KCNH1: variants seen among roughly 807,000 people sequenced by gnomAD.
The protein encoded by KCNH1 is voltage-gated delayed rectifier potassium channel KCNH1.
Under a neutral mutation model 69.2 loss-of-function variants are expected in KCNH1, and 27 were observed. That is an observed-to-expected ratio of 0.39 (90% CI 0.29 to 0.54). The LOEUF is 0.54. Among genes scored for constraint, KCNH1 ranks in the 20% least tolerant of loss-of-function variants. KCNH1 has a pLI of 0.68. For synonymous variants in KCNH1, 456 were observed against 487.7 expected (o/e 0.93, Z 0.86); for missense variants, 798 against 1,261.6 (o/e 0.63, Z 5.57).
At position 210,679,906 on chromosome 1, in the gene KCNH1, T is replaced by C. The variant is rs1161155130; in HGVS notation, c.*3375A>G. 1.3e-5 allele frequency: 2 copies of C among 152,222 alleles called. No individual in the cohort carries two copies. The highest frequency in any genetic ancestry group is 4.8e-5 in the African/African-American group (2 of 41,460). 9.4% of individuals were successfully genotyped at this position (152,222 alleles called of 1,614,324 possible). A position where few individuals can be genotyped will look rare whatever the true frequency, so the allele number is the denominator to read the frequency against. On this transcript the variant is annotated 3_prime_UTR_variant, in exon 11 of 11. Coordinates refer to ENST00000271751, the MANE Select transcript of KCNH1 (RefSeq NM_172362.3). The stretch of plus-strand genomic sequence containing the variant: ...CTTGGGCTATCCTGTAGCATTAATG[T>C]TGTAACCTTATTAGCATAATGTAGC...
chr1:211,015,409 T>C (rs896306578), intron 6 of KCNH1, among the ~76,000 whole-genome samples: 1 of 152,184 alleles, frequency 6.6e-6, no homozygotes, highest in Non-Finnish European at 1.5e-5. Flanking sequence ...CCCCTGTCTT[T>C]TTTCTTACTT....
intron 7 of KCNH1, among the ~76,000 whole-genome samples, chr1:210,863,232 C>A (rs1451186397): frequency 6.6e-6 from 1 of 152,138 alleles, no homozygotes; most frequent in Non-Finnish European, 1.5e-5. Context: ...ATGCTTGTTA[C>A]CCAGCAGAGT....
intron 10 of KCNH1, among the ~76,000 whole-genome samples, chr1:210,751,356 C>T (rs115681985): frequency 1.1e-4 from 17 of 152,182 alleles, no homozygotes; most frequent in South Asian, 2.1e-4. Flanking sequence ...CATCCTCACA[C>T]GAAGAAAGCA....
At chr1:210,883,369 C>A (rs1324358574) in intron 7 of KCNH1, among the ~76,000 whole-genome samples, 1 of 152,106 alleles carries the variant, frequency 6.6e-6, no homozygotes, top group East Asian at 1.9e-4. Context: ...ACCAGAGGGA[C>A]CAGAATGGAT....
intron 6 of KCNH1, among the ~76,000 whole-genome samples, chr1:211,014,981 G>C (rs181426561): frequency 6.6e-6 from 1 of 152,262 alleles, no homozygotes; most frequent in East Asian, 1.9e-4. Flanking sequence ...AAGATGGGGT[G>C]CCCTTCATGG....
At chr1:210,714,499 GTTGT>G (rs1682171778) in intron 10 of KCNH1, among the ~76,000 whole-genome samples, 2 of 152,152 alleles carry the variant, frequency 1.3e-5, no homozygotes, top group African/African-American at 4.8e-5. Context: ...CAATGGATGG[GTTGT>G]GGAGGACTGA....
At chr1:211,022,466 A>G (rs1481004015) in intron 5 of KCNH1, among the ~76,000 whole-genome samples, 1 of 152,206 alleles carries the variant, frequency 6.6e-6, no homozygotes, top group Non-Finnish European at 1.5e-5. Flanking sequence ...AGGCAAAAAT[A>G]GCCAAATAGG....
At chr1:211,091,005 T>C (rs945618339) in intron 3 of KCNH1, among the ~76,000 whole-genome samples, 4 of 152,144 alleles carry the variant, frequency 2.6e-5, no homozygotes, top group Admixed American at 6.5e-5. Flanking sequence ...TACAAAGACC[T>C]AAAGACTTAC....
Position 210,888,563 on chromosome 1 carries a change from C to T in KCNH1, c.1462+31077G>A, listed in dbSNP as rs181830292. 3.9e-5 allele frequency among the ~76,000 whole-genome samples: 6 copies of T among 152,142 alleles called. No individual in the cohort carries two copies. In the East Asian group the frequency reaches 1.2e-3, roughly 29 times the overall value. On this transcript the variant is annotated intron_variant, in intron 7 of 10. Coordinates refer to ENST00000271751, the MANE Select transcript of KCNH1 (RefSeq NM_172362.3). The stretch of plus-strand genomic sequence containing the variant: ...AGACAAGAAATAACTAAGATGCGAG[C>T]AGAACTGAAGGAGACGGAGACATAA...
Position 210,815,005 on chromosome 1 carries a change from G to T in KCNH1, c.1463-10839C>A, listed in dbSNP as rs1436462426. ...AAGCTACTGAAGAGACTGTCTCAAA[G>T]AGGTGAGTTTGCTCTGGTTCAATGA... On this transcript the variant is annotated intron_variant, in intron 7 of 10. Coordinates refer to ENST00000271751, the MANE Select transcript of KCNH1 (RefSeq NM_172362.3). Among the ~76,000 whole-genome samples the T allele has an allele frequency of 2.0e-5, 3 of 152,152 alleles. No homozygotes were observed. In the East Asian group the frequency reaches 5.8e-4, roughly 29 times the overall value.
At chr1:210,788,430 A>G (rs1416768745) in intron 9 of KCNH1, among the ~76,000 whole-genome samples, 1 of 152,238 alleles carries the variant, frequency 6.6e-6, no homozygotes, top group African/African-American at 2.4e-5. Context: ...ACCACAATTT[A>G]TGATTCAACC....
intron 10 of KCNH1, among the ~76,000 whole-genome samples, chr1:210,742,197 G>A (rs929167654): frequency 6.6e-6 from 1 of 152,180 alleles, no homozygotes. Context: ...CATGAATTCT[G>A]AAGGAATTAT....
chr1:211,020,537 T>C (rs1321139030), intron 5 of KCNH1, among the ~76,000 whole-genome samples: 1 of 151,960 alleles, frequency 6.6e-6, no homozygotes, highest in Non-Finnish European at 1.5e-5. Context: ...ACCAGATGGC[T>C]TCAAAGCTGA....
chr1:210,856,290 C>T (rs1239363242), intron 7 of KCNH1, among the ~76,000 whole-genome samples: 1 of 152,202 alleles, frequency 6.6e-6, no homozygotes, highest in Non-Finnish European at 1.5e-5. Context: ...AATAATCCCA[C>T]TCACATAATG....
intron 8 of KCNH1, among the ~76,000 whole-genome samples, chr1:210,803,348 C>T (rs571420441): frequency 7.2e-5 from 11 of 152,242 alleles, no homozygotes; most frequent in African/African-American, 2.2e-4. Context: ...GTGATCCACC[C>T]GCCTCGGCCT....
chr1:211,006,757 A>C (rs1456407196), intron 6 of KCNH1, among the ~76,000 whole-genome samples: 3 of 152,200 alleles, frequency 2.0e-5, no homozygotes, highest in Non-Finnish European at 4.4e-5. Flanking sequence ...AAAGTTAAAA[A>C]AAGGAAAAAC....
intron 7 of KCNH1, among the ~76,000 whole-genome samples, chr1:210,893,843 T>A (rs113150042): frequency 3.9e-5 from 6 of 152,274 alleles, no homozygotes; most frequent in African/African-American, 1.4e-4. Context: ...TCTTCAAGTG[T>A]ATTAATCTTC....
intron 3 of KCNH1, among the ~76,000 whole-genome samples, chr1:211,098,103 A>G (rs1370771090): frequency 6.6e-6 from 1 of 152,042 alleles, no homozygotes; most frequent in African/African-American, 2.4e-5. Context: ...GGATGGCTTG[A>G]GCTAAGGAGG....
chr1:210,933,346 A>G (rs551156927), intron 6 of KCNH1, among the ~76,000 whole-genome samples: 1 of 151,956 alleles, frequency 6.6e-6, no homozygotes, highest in African/African-American at 2.4e-5. Context: ...GGGAACATCA[A>G]ACTCTGGGGA....
Sources: allele counts gnomAD v4.1 joint callset (sites outside exome capture counted in the v4.1 genomes callset), GRCh38; gene constraint gnomAD v4.1.1; transcripts MANE v1.5; gene names NCBI Gene and HGNC (gene_info 2026-07-23, HGNC 2026-07-21).